CNTN6: variants seen among roughly 807,000 people sequenced by gnomAD.
CNTN6 encodes the protein contactin 6.
In CNTN6, 137 loss-of-function variants were observed where a neutral mutation model predicts 122.8. The observed-to-expected ratio is 1.12, with a 90% CI of 0.97 to 1.29. The LOEUF (loss-of-function observed/expected upper bound fraction) is 1.29, where lower values mean the gene tolerates loss of function less well. Among genes scored for constraint, CNTN6 ranks in the 50% most tolerant of loss-of-function variants. CNTN6 has a pLI of 0.00. For synonymous variants in CNTN6, 570 were observed against 426.0 expected (o/e 1.34, Z -4.16); for missense variants, 1,634 against 1,223.4 (o/e 1.34, Z -5.01).
intron 9 of CNTN6, 47 bp from the exon 10 acceptor site, chr3:1,327,410 T>C (rs777304038): frequency 6.4e-7 from 1 of 1,569,842 alleles, no homozygotes; most frequent in Non-Finnish European, 8.7e-7. Context: ...GTTAAGAGAA[T>C]GCTATATTAA....
At chr3:1,312,355 A>G (rs888144524) in intron 7 of CNTN6, among the ~76,000 whole-genome samples, 3 of 151,808 alleles carry the variant, frequency 2.0e-5, no homozygotes, top group African/African-American at 4.8e-5. Flanking sequence ...TCTGGAAGCA[A>G]CTCATCATCC....
intron 4 of CNTN6, among the ~76,000 whole-genome samples, chr3:1,238,767 T>G (rs2094449638): frequency 6.6e-6 from 1 of 152,130 alleles, no homozygotes. Context: ...GAAATAAAAT[T>G]GGAAATCAAC....
chr3:1,351,383 C>T (rs1477153321), intron 11 of CNTN6, among the ~76,000 whole-genome samples: 1 of 151,966 alleles, frequency 6.6e-6, no homozygotes, highest in African/African-American at 2.4e-5. Flanking sequence ...TGTTGTCACA[C>T]ATTTTGATAC....
intron 12 of CNTN6, among the ~76,000 whole-genome samples, chr3:1,360,617 TTC>T (rs914962498): frequency 6.6e-5 from 10 of 152,006 alleles, no homozygotes; most frequent in South Asian, 2.1e-4. Context: ...TTTTCTTTTT[TTC>T]TCTCTTAGTC....
chr3:1,315,687 A>G (rs1261775853), intron 7 of CNTN6, among the ~76,000 whole-genome samples: 2 of 151,876 alleles, frequency 1.3e-5, no homozygotes, highest in African/African-American at 2.4e-5. Flanking sequence ...TTTCTTCCCT[A>G]CTGAAATGGT....
At chr3:1,289,291 A>G (rs1348236243) in intron 5 of CNTN6, among the ~76,000 whole-genome samples, 1 of 152,152 alleles carries the variant, frequency 6.6e-6, no homozygotes, top group Non-Finnish European at 1.5e-5. Context: ...GATGACTGGG[A>G]GGAGCCAGCC....
intron 1 of CNTN6, among the ~76,000 whole-genome samples, chr3:1,100,246 G>A (rs2090810941): frequency 6.6e-6 from 1 of 152,046 alleles, no homozygotes; most frequent in South Asian, 2.1e-4. Context: ...GCTTATGTTA[G>A]TCACATTCTA....
At chr3:1,241,795 G>A (rs2094488890) in intron 4 of CNTN6, among the ~76,000 whole-genome samples, 1 of 152,316 alleles carries the variant, frequency 6.6e-6, no homozygotes, top group Non-Finnish European at 1.5e-5. Context: ...CGGTTTTGGA[G>A]GACAACTGCA....
chr3:1,136,449 A>C (rs1363570098), intron 1 of CNTN6, among the ~76,000 whole-genome samples: 1 of 152,186 alleles, frequency 6.6e-6, no homozygotes, highest in Non-Finnish European at 1.5e-5. Context: ...AGTGCAGGCT[A>C]TACCCCTGTC....
At chr3:1,283,861 G>C (rs951901209) in intron 5 of CNTN6, among the ~76,000 whole-genome samples, 2 of 152,116 alleles carry the variant, frequency 1.3e-5, no homozygotes, top group Non-Finnish European at 2.9e-5. Flanking sequence ...TTAGCCGGGT[G>C]TGGTGGCAGG....
intron 12 of CNTN6, among the ~76,000 whole-genome samples, chr3:1,363,831 T>A (rs902878183): frequency 6.6e-6 from 1 of 151,948 alleles, no homozygotes; most frequent in African/African-American, 2.4e-5. Flanking sequence ...TAGGGAACCC[T>A]CCATACTGTT....
At chr3:1,193,983 C>T (rs1464104368) in intron 2 of CNTN6, among the ~76,000 whole-genome samples, 1 of 151,848 alleles carries the variant, frequency 6.6e-6, no homozygotes, top group Non-Finnish European at 1.5e-5. Context: ...TTTTTTTTCC[C>T]CAAAGCATGT....
chr3:1,317,236 G>T (rs1700216037), intron 7 of CNTN6, among the ~76,000 whole-genome samples: 1 of 151,314 alleles, frequency 6.6e-6, no homozygotes, highest in Admixed American at 6.6e-5. Flanking sequence ...ATAATTTGTT[G>T]TTTTTTCTTG....
chr3:1,127,571 T>C (rs2092207884), intron 1 of CNTN6, among the ~76,000 whole-genome samples: 1 of 151,900 alleles, frequency 6.6e-6, no homozygotes, highest in South Asian at 2.1e-4. Context: ...AATAATTTGA[T>C]TCAACCAACA....
chr3:1,119,469 G>C (rs757280678), intron 1 of CNTN6, among the ~76,000 whole-genome samples: 2 of 151,628 alleles, frequency 1.3e-5, no homozygotes, highest in African/African-American at 4.8e-5. Flanking sequence ...CTGAGAACTG[G>C]TTAAACTGAG....
At chr3:1,166,184 T>G (rs1249060359) in intron 2 of CNTN6, among the ~76,000 whole-genome samples, 4 of 152,194 alleles carry the variant, frequency 2.6e-5, no homozygotes, top group African/African-American at 7.2e-5. Context: ...AGGCATATAG[T>G]CACAAATATG....
intron 4 of CNTN6, among the ~76,000 whole-genome samples, chr3:1,244,257 G>C (rs1339337078): frequency 6.6e-6 from 1 of 152,148 alleles, no homozygotes; most frequent in Non-Finnish European, 1.5e-5. Context: ...GTGGCCCATA[G>C]TGAAGGAAGC....
At chr3:1,173,742 C>G (rs1395530178) in intron 2 of CNTN6, among the ~76,000 whole-genome samples, 4 of 151,252 alleles carry the variant, frequency 2.6e-5, no homozygotes, top group Non-Finnish European at 5.9e-5. Context: ...AAAACCATCT[C>G]TGGAACTGCC....
intron 19 of CNTN6, among the ~76,000 whole-genome samples, chr3:1,384,754 TATATACATATATATACAC>T (rs1692541879): frequency 7.4e-6 from 1 of 135,178 alleles, no homozygotes; most frequent in South Asian, 2.3e-4. Context: ...TATACACATA[TATATACATATATATACAC>T]ATATATATAT....
Sources: allele counts gnomAD v4.1 joint callset (sites outside exome capture counted in the v4.1 genomes callset), GRCh38; gene constraint gnomAD v4.1.1; transcripts MANE v1.5; gene names NCBI Gene and HGNC (gene_info 2026-07-23, HGNC 2026-07-21).